The following SNX31 variants were observed in gnomAD, a reference collection of about 807,000 sequenced individuals.
SNX31 encodes sorting nexin-31.
A neutral mutation model predicts 65.4 loss-of-function variants in SNX31; 58 were observed. That is an observed-to-expected ratio of 0.89 (90% CI 0.72 to 1.10). SNX31 has a LOEUF of 1.10. Among genes scored for constraint, SNX31 ranks in the 50% least tolerant of loss-of-function variants. The pLI is 0.00. For missense variants in SNX31, 523 were observed against 529.7 expected, an observed-to-expected ratio of 0.99 and a Z score of 0.12; for synonymous variants, 181 against 190.1, an observed-to-expected ratio of 0.95 and a Z score of 0.39.
At chr8:100,582,045 A>G (rs1275447403) in intron 12 of SNX31, among the ~76,000 whole-genome samples, 1 of 152,238 alleles carries the variant, frequency 6.6e-6, no homozygotes, top group Non-Finnish European at 1.5e-5. Context: ...AAAAAAATAA[A>G]GAGTTTCTGG....
chr8:100,635,628 C>T (rs62513890), intron 3 of SNX31, among the ~76,000 whole-genome samples: 19,856 of 150,432 alleles, frequency 0.13, 1,818 homozygotes, highest in African/African-American at 0.26. Flanking sequence ...ATATATGAAA[C>T]GTCCAGAATA....
chr8:100,582,247 A>C (rs950003688), intron 12 of SNX31: 5 of 152,164 alleles, frequency 3.3e-5, no homozygotes, highest in African/African-American at 4.8e-5. Flanking sequence ...CTCTTTAGCT[A>C]CTCATTGTAC....
intron 2 of SNX31, among the ~76,000 whole-genome samples, chr8:100,641,239 A>G (rs916985441): frequency 3.3e-5 from 5 of 151,982 alleles, no homozygotes; most frequent in Non-Finnish European, 7.4e-5. Flanking sequence ...CTCATCTCTC[A>G]TTTAAAGTAC....
Position 100,613,270 on chromosome 8 carries a change from C to CA in SNX31, c.433-186dup, listed in dbSNP as rs1323003436. Among the ~76,000 whole-genome samples the CA allele has an allele frequency of 1.3e-5, 2 of 152,062 alleles. No homozygotes were observed. Among genetic ancestry groups the CA allele is most frequent in the East Asian group, 1.9e-4 (1 of 5,192 alleles). ...ATCCATCTTAGAAAATTTTAAAACA[C>CA]AAAAAAATTAGAATAAAGAAAATAA... On this transcript the variant is annotated intron_variant, in intron 5 of 13. Transcript: ENST00000311812. The surrounding 1 kb of genome is among the most constrained non-coding windows in gnomAD (Gnocchi z 5.2).
chr8:100,648,738 C>T lies in SNX31; in HGVS notation c.141+536G>A, dbSNP rs981756492. On this transcript the variant is annotated intron_variant, in intron 2 of 13. Coordinates refer to ENST00000311812, the MANE Select transcript of SNX31 (RefSeq NM_152628.4). The surrounding 1 kb of genome is among the most constrained non-coding windows in gnomAD (Gnocchi z 4.3). ...TATCCTAGCTTGGTAAGTCATGTTC[C>T]CTGGTTCCCAGCCTGCCAGTACTTG... Among the ~76,000 whole-genome samples the T allele has an allele frequency of 2.0e-5, 3 of 152,282 alleles. No individual in the cohort carries two copies. The highest frequency in any genetic ancestry group is 3.4e-3 in the Middle Eastern group (1 of 294).
intron 4 of SNX31, chr8:100,618,156 G>A (rs573326424): frequency 3.0e-6 from 3 of 985,068 alleles, no homozygotes; most frequent in Non-Finnish European, 3.6e-6. Flanking sequence ...GGTACCCAAA[G>A]TTCCCAAGAG....
intron 4 of SNX31, among the ~76,000 whole-genome samples, chr8:100,628,303 C>A (rs183861444): frequency 9.2e-5 from 14 of 152,160 alleles, no homozygotes; most frequent in African/African-American, 3.4e-4. Flanking sequence ...ATGTTTATTG[C>A]GGCACTATTC....
Position 100,573,089 on chromosome 8 carries a change from C to T in SNX31, c.*776G>A, listed in dbSNP as rs2130733808. ...AGGAAAAACCTTGTGAGAAAGTATA[C>T]ATATTTTTAAAGCTAAGAGAATTAT... On this transcript the variant is annotated 3_prime_UTR_variant, in exon 14 of 14. Coordinates refer to ENST00000311812, the MANE Select transcript of SNX31 (RefSeq NM_152628.4). 6.6e-6 allele frequency: 1 copy of T among 152,582 alleles called. No individual in the cohort carries two copies. Among genetic ancestry groups the T allele is most frequent in the African/African-American group, 2.4e-5 (1 of 41,502 alleles). 9.5% of individuals were successfully genotyped at this position (152,582 alleles called of 1,614,324 possible).
intron 8 of SNX31, among the ~76,000 whole-genome samples, chr8:100,607,989 T>C (rs900015461): frequency 4.6e-5 from 7 of 152,216 alleles, no homozygotes; most frequent in African/African-American, 1.4e-4. Flanking sequence ...AAGAAGGCTA[T>C]GCTAGAGTGA....
intron 12 of SNX31, among the ~76,000 whole-genome samples, chr8:100,579,260 G>A (rs546640718): frequency 2.6e-5 from 4 of 152,084 alleles, no homozygotes; most frequent in Non-Finnish European, 5.9e-5. Context: ...CACTACAAAT[G>A]TTAAGCAATT....
intron 2 of SNX31, among the ~76,000 whole-genome samples, chr8:100,636,661 ACT>A (rs1818793333): frequency 1.3e-5 from 2 of 151,930 alleles, no homozygotes; most frequent in Admixed American, 1.3e-4. Flanking sequence ...GTTTCCTTTT[ACT>A]CTTTTTAATG....
At chr8:100,638,826 G>A (rs1180707469) in intron 2 of SNX31, among the ~76,000 whole-genome samples, 2 of 152,122 alleles carry the variant, frequency 1.3e-5, no homozygotes, top group Non-Finnish European at 1.5e-5. Context: ...GAATGGATAA[G>A]CAAACTGTGA....
At chr8:100,584,330 G>C in intron 11 of SNX31, 142 bp from the exon 12 acceptor site, 1 of 571,664 alleles carries the variant, frequency 1.7e-6, no homozygotes, top group Non-Finnish European at 2.9e-6. Flanking sequence ...TTAACCTCTA[G>C]AAGTTTTCAT....
At chr8:100,651,106 C>T (rs1412129340), upstream of SNX31, among the ~76,000 whole-genome samples, 1 of 152,166 alleles carries the variant, frequency 6.6e-6, no homozygotes, top group African/African-American at 2.4e-5. Context: ...TCCACCTCGG[C>T]CTCCCAAAGT....
Position 100,649,477 on chromosome 8 carries a change from C to G in SNX31, c.38G>C (p.Arg13Pro). 1 of 1,584,660 alleles carries G rather than the reference C, an allele frequency of 6.3e-7. No homozygotes were observed. Among genetic ancestry groups the G allele is most frequent in the Non-Finnish European group, 8.6e-7 (1 of 1,166,252 alleles). ...GTAGCGGCCCCCCAGCGCGTCGGAC[C>G]GCTGCTGGGACACCGGGATACAGAA... is the stretch of plus-strand genomic sequence containing the variant. The part of the protein sequence containing the change: ...MHFCIPVSQQ[R>P]SDALGGRYVL... The change falls in exon 1 of 14, where the codon CGG (arginine) becomes CCG (proline). Residue 13 changes from arginine to proline, a missense_variant. Arg to Pro is a moderately radical substitution (Grantham distance 103). Transcript: ENST00000311812.
At chr8:100,580,818 T>C (rs966279800) in intron 12 of SNX31, among the ~76,000 whole-genome samples, 3 of 152,234 alleles carry the variant, frequency 2.0e-5, no homozygotes, top group African/African-American at 7.2e-5. Context: ...TGTCTTTTGT[T>C]TTCTATTACA....
At position 100,639,949 on chromosome 8, in the gene SNX31, G is replaced by A. The variant is rs112292836; in HGVS notation, c.142-3938C>T. On this transcript the variant is annotated intron_variant, in intron 2 of 13. Coordinates refer to ENST00000311812, the MANE Select transcript of SNX31 (RefSeq NM_152628.4). ...GGAATGGGAGTATGTCAGAGACAAGGAGCAAAATGAAAGAGCTTCCATGGG... is the reference window on the plus strand; with the variant it reads ...GGAATGGGAGTATGTCAGAGACAAGAAGCAAAATGAAAGAGCTTCCATGGG... 4.6e-5 allele frequency among the ~76,000 whole-genome samples: 7 copies of A among 152,226 alleles called. 1 individual carries two copies. The highest frequency in any genetic ancestry group is 1.4e-4 in the African/African-American group (6 of 41,532).
At chr8:100,607,822 AAT>A (rs1286669846) in intron 8 of SNX31, among the ~76,000 whole-genome samples, 1 of 152,220 alleles carries the variant, frequency 6.6e-6, no homozygotes. Context: ...AATTTTTTAA[AAT>A]AAAAACTAAA....
chr8:100,641,587 TATATATATACACATACAC>T (rs1191178483), intron 2 of SNX31, among the ~76,000 whole-genome samples: 2 of 23,454 alleles, frequency 8.5e-5, no homozygotes, highest in African/African-American at 6.5e-4. Context: ...TATATATATA[TATATATATACACATACAC>T]ACACACACGC....
Sources: gnomAD v4.1 joint callset for allele counts (sites outside exome capture counted in the v4.1 genomes callset) on GRCh38, gnomAD v4.1.1 for gene constraint, Gnocchi (gnomAD v3.1) non-coding constraint, MANE v1.5 for transcripts, NCBI Gene and HGNC (gene_info 2026-07-23, HGNC 2026-07-21) for gene names.